Variants in GRAMD4 observed in about 807,000 individuals in gnomAD.
GRAMD4 encodes the protein GRAM domain containing 4, also known as GRAM domain-containing protein 4.
Under a neutral mutation model 83.9 loss-of-function variants are expected in GRAMD4, and 25 were observed. The observed-to-expected ratio is 0.30, with a 90% CI of 0.22 to 0.42. The LOEUF is 0.42. Among genes scored for constraint, GRAMD4 ranks in the 10% least tolerant of loss-of-function variants. The pLI is 1.00. For synonymous variants in GRAMD4, 336 were observed against 320.9 expected (o/e 1.05, Z -0.50); for missense variants, 593 against 788.7 (o/e 0.75, Z 2.97).
chr22:46,598,075 G>A (rs2051695980), intron 1 of GRAMD4, among the ~76,000 whole-genome samples: 1 of 152,146 alleles, frequency 6.6e-6, no homozygotes, highest in South Asian at 2.1e-4. Context: ...TCCACCTCCT[G>A]GGTTCAAGTG....
intron 3 of GRAMD4, 116 bp downstream of exon 3, chr22:46,638,076 C>A: frequency 1.8e-6 from 2 of 1,092,436 alleles, no homozygotes; most frequent in Non-Finnish European, 2.7e-6. Context: ...CAGGCTCCAT[C>A]GCTGGACACG....
chr22:46,590,418 T>C (rs1341936548), intron 1 of GRAMD4, among the ~76,000 whole-genome samples: 2 of 152,098 alleles, frequency 1.3e-5, no homozygotes, highest in Non-Finnish European at 2.9e-5. Context: ...CGGGGATGGG[T>C]GAGCGCTCCA....
upstream of GRAMD4, chr22:46,576,985 G>C (rs959590832): frequency 3.4e-4 from 50 of 145,224 alleles, 1 homozygote; most frequent in African/African-American, 1.1e-3. Context: ...CCCCCGAGCC[G>C]GCCGCGGGGC....
At chr22:46,642,099 G>A (rs2081982333) in intron 3 of GRAMD4, among the ~76,000 whole-genome samples, 1 of 152,254 alleles carries the variant, frequency 6.6e-6, no homozygotes, top group Non-Finnish European at 1.5e-5. Flanking sequence ...TGCTCAAATA[G>A]TTCTGCCTCT....
intron 1 of GRAMD4, among the ~76,000 whole-genome samples, chr22:46,586,961 C>T (rs1366367963): frequency 6.6e-6 from 1 of 152,180 alleles, no homozygotes; most frequent in Non-Finnish European, 1.5e-5. Flanking sequence ...CACACCCCGT[C>T]TGTGTCCCAG....
intron 3 of GRAMD4, among the ~76,000 whole-genome samples, chr22:46,640,345 G>A (rs1163612481): frequency 4.6e-5 from 7 of 152,168 alleles, no homozygotes; most frequent in Non-Finnish European, 1.0e-4. Context: ...GAGAAGAGGC[G>A]AGCTGGCATG....
chr22:46,680,038 C>T (rs1300594911), downstream of GRAMD4, among the ~76,000 whole-genome samples: 1 of 152,212 alleles, frequency 6.6e-6, no homozygotes, highest in Non-Finnish European at 1.5e-5. Context: ...GCCTGAGTTC[C>T]AGAAGACAGG....
intron 1 of GRAMD4, among the ~76,000 whole-genome samples, chr22:46,610,787 A>T (rs940789535): frequency 6.6e-6 from 1 of 152,186 alleles, no homozygotes; most frequent in Middle Eastern, 3.2e-3. Flanking sequence ...TGGAAAAAGA[A>T]TGTTTCCACT....
At position 46,659,219 on chromosome 22, in the gene GRAMD4, C is replaced by T. The variant is rs2082291498; in HGVS notation, c.404+912C>T. ...CTCCAGCAGCCTCCTGCTTCGGCCT[C>T]CCTCTCAGCCTCCACTCCCTCAGCC... On this transcript the variant is annotated intron_variant, in intron 4 of 18. Coordinates refer to ENST00000406902, the MANE Select transcript of GRAMD4 (RefSeq NM_015124.5). This position sits in a 1 kb window ranked among gnomAD's most constrained non-coding sequence, Gnocchi z 4.1. Among the ~76,000 whole-genome samples, 1 of 152,054 alleles carries T rather than the reference C, an allele frequency of 6.6e-6. No homozygotes were observed. Among genetic ancestry groups the T allele is most frequent in the Non-Finnish European group, 1.5e-5 (1 of 67,990 alleles).
At chr22:46,580,246 T>C (rs530977280) in intron 1 of GRAMD4, among the ~76,000 whole-genome samples, 2,078 of 152,328 alleles carry the variant, frequency 0.014, 50 homozygotes, top group African/African-American at 0.048. Flanking sequence ...TTGCCTGGCT[T>C]GGAGATGGTC....
chr22:46,679,697 T>C lies in GRAMD4; in HGVS notation c.*2446T>C. 1.0e-6 allele frequency: 1 copy of C among 974,496 alleles called. No individual in the cohort carries two copies. The highest frequency in any genetic ancestry group is 1.2e-6 in the Non-Finnish European group (1 of 819,734). 60.4% of individuals were successfully genotyped at this position (974,496 alleles called of 1,614,324 possible). A position where few individuals can be genotyped will look rare whatever the true frequency, so the allele number is the denominator to read the frequency against. On this transcript the variant is annotated 3_prime_UTR_variant, in exon 19 of 19. Coordinates refer to ENST00000406902, the MANE Select transcript of GRAMD4 (RefSeq NM_015124.5). ...CGATGAAAAAAATTCTCCTGTAACA[T>C]TTTTTTAAGAAAACTTTGTTTGTTT...
chr22:46,591,070 G>GAAAAGGA (rs2081202146), intron 1 of GRAMD4, among the ~76,000 whole-genome samples: 1 of 149,978 alleles, frequency 6.7e-6, no homozygotes, highest in African/African-American at 2.5e-5. Context: ...AAAAGAAAAA[G>GAAAAGGA]AAAAAAAAAC....
chr22:46,668,275 C>G, intron 11 of GRAMD4, 108 bp downstream of exon 11: 1 of 719,446 alleles, frequency 1.4e-6, no homozygotes, highest in East Asian at 2.7e-5. Context: ...TCCGCTGCTG[C>G]CTGGGGAGGG....
chr22:46,628,611 C>T (rs901945929), intron 2 of GRAMD4, among the ~76,000 whole-genome samples: 2 of 131,514 alleles, frequency 1.5e-5, no homozygotes, highest in Non-Finnish European at 3.2e-5. Flanking sequence ...GTCTGAGGGG[C>T]GGGTGGACTG....
In GRAMD4 at chr22:46,668,881, C is replaced by T. The variant is rs756365039; in HGVS notation, c.1057C>T (p.Pro353Ser). Residue 353 changes from proline to serine, a missense_variant, in exon 13 of 19, where the codon CCC (proline) becomes TCC (serine). By Grantham distance (74) the Pro-to-Ser change is moderately conservative (BLOSUM62 -1). This residue lies in a region of GRAMD4 where 171 missense variants were observed against 199.6 expected (regional missense o/e 0.86). Transcript: ENST00000406902. Reference sequence around the variant, plus strand: ...TGCCTTCCTGGCCTCCTGCTTCTTCCCCTACCGCCTGGTGGGGCTTGCCGT... The same window carrying T: ...TGCCTTCCTGGCCTCCTGCTTCTTCTCCTACCGCCTGGTGGGGCTTGCCGT... The part of the protein sequence containing the change: ...WAAFLASCFF[P>S]YRLVGLAVGL... 21 of 1,610,632 alleles carry T rather than the reference C, an allele frequency of 1.3e-5. No individual in the cohort carries two copies. Among genetic ancestry groups the T allele is most frequent in the Non-Finnish European group, 1.5e-5 (18 of 1,177,890 alleles).
At chr22:46,588,733 C>CT (rs397817384) in intron 1 of GRAMD4, among the ~76,000 whole-genome samples, 382 of 152,176 alleles carry the variant, frequency 2.5e-3, no homozygotes, top group African/African-American at 8.7e-3. Flanking sequence ...TCTCCATCCC[C>CT]GGGGTCCTTA....
chr22:46,628,751 G>A (rs575666786), intron 2 of GRAMD4, among the ~76,000 whole-genome samples: 8 of 152,108 alleles, frequency 5.3e-5, no homozygotes, highest in African/African-American at 1.7e-4. Flanking sequence ...CTTCACCTGG[G>A]GCAGAACATC....
chr22:46,673,928 T>G, intron 15 of GRAMD4, 114 bp downstream of exon 15: 1 of 1,141,652 alleles, frequency 8.8e-7, no homozygotes, highest in Non-Finnish European at 1.3e-6. Context: ...AGAGGAGCCC[T>G]CAGGATGGCA....
At chr22:46,598,469 T>C (rs1328682517) in intron 1 of GRAMD4, among the ~76,000 whole-genome samples, 1 of 152,156 alleles carries the variant, frequency 6.6e-6, no homozygotes, top group Non-Finnish European at 1.5e-5. Flanking sequence ...TGTAAGACCT[T>C]GTCTAGGATG....
Sources: gnomAD v4.1 joint callset for allele counts (sites outside exome capture counted in the v4.1 genomes callset) on GRCh38, gnomAD v4.1.1 for gene constraint, gnomAD v4.1.1 regional missense constraint, Gnocchi (gnomAD v3.1) non-coding constraint, MANE v1.5 for transcripts, NCBI Gene and HGNC (gene_info 2026-07-23, HGNC 2026-07-21) for gene names.